RBP5: variants seen among roughly 807,000 people sequenced by gnomAD.
RBP5 encodes retinol-binding protein 5.
A neutral mutation model predicts 17.8 loss-of-function variants in RBP5; 12 were observed. The observed-to-expected ratio is 0.67, with a 90% CI of 0.43 to 1.09. The LOEUF is 1.09. Ranked by LOEUF, RBP5 falls within the 50% of genes least tolerant of loss-of-function variation. The pLI, the probability that RBP5 is intolerant of heterozygous loss-of-function variation, is 0.00. For missense variants in RBP5, 172 were observed against 169.4 expected, an observed-to-expected ratio of 1.02 and a Z score of -0.09; for synonymous variants, 64 against 68.1, an observed-to-expected ratio of 0.94 and a Z score of 0.30.
chr12:7,129,526 G>C (rs1164336108), upstream of RBP5: 1 of 794,108 alleles, frequency 1.3e-6, no homozygotes, highest in African/African-American at 1.9e-5. This position sits in a 1 kb window ranked among gnomAD's most constrained non-coding sequence, Gnocchi z 5.5. Context: ...CTATTCTGGA[G>C]AATTTTATTC....
At position 7,124,617 on chromosome 12, in the gene RBP5, C is replaced by G; in HGVS notation, c.354+12G>C. ...GCCCTTCTCCCAGACACCCAGCCCC[C>G]ACCCCATTTACCAGATACAGCATCT... On this transcript the variant is annotated intron_variant, in intron 3 of 3. Transcript: ENST00000266560. This position sits in a 1 kb window ranked among gnomAD's most constrained non-coding sequence, Gnocchi z 5.3. 2.7e-6 allele frequency: 4 copies of G among 1,482,632 alleles called. No individual in the cohort carries two copies. Among genetic ancestry groups the G allele is most frequent in the African/African-American group, 1.4e-5 (1 of 72,670 alleles). The allele number at this position is 1,482,632 out of a possible 1,614,324, so 91.8% of individuals were successfully genotyped here.
upstream of RBP5, chr12:7,129,933 A>C: frequency 6.8e-6 from 3 of 440,180 alleles, no homozygotes; most frequent in South Asian, 9.4e-5. This position sits in a 1 kb window ranked among gnomAD's most constrained non-coding sequence, Gnocchi z 5.5. Flanking sequence ...TGGGCTACAA[A>C]TGCCAGGATT....
intron 2 of RBP5, chr12:7,127,705 A>G: frequency 1.4e-6 from 1 of 702,352 alleles, no homozygotes; most frequent in East Asian, 2.7e-5. Flanking sequence ...ATTCATGCCA[A>G]GGGCAGCCTA....
At chr12:7,116,620 G>T (rs766610880) in exon 4 of RBP5, 111 of 152,358 alleles carry the variant, frequency 7.3e-4, no homozygotes, top group African/African-American at 2.4e-3. Flanking sequence ...AGGTGGGTGG[G>T]CCTCAAAGAG....
chr12:7,128,117 G>C lies in RBP5; in HGVS notation c.252+123C>G. 1.2e-6 allele frequency: 1 copy of C among 805,470 alleles called. No homozygotes were observed. The highest frequency in any genetic ancestry group is 1.7e-5 in the African/African-American group (1 of 57,876). The allele number at this position is 805,470 out of a possible 1,614,324, so 49.9% of individuals were successfully genotyped here. A position where few individuals can be genotyped will look rare whatever the true frequency, so the allele number is the denominator to read the frequency against. ...TATCCTGGGGACTGCATTCCCTGCT[G>C]TGGTGACCATTCCCCTCCTCCCCGC... On this transcript the variant is annotated intron_variant, in intron 2 of 3. Coordinates refer to ENST00000266560, the MANE Select transcript of RBP5 (RefSeq NM_031491.4). This position sits in a 1 kb window ranked among gnomAD's most constrained non-coding sequence, Gnocchi z 5.3.
intron 2 of RBP5, among the ~76,000 whole-genome samples, chr12:7,126,383 C>G (rs778763306): frequency 1.1e-3 from 161 of 152,264 alleles, no homozygotes; most frequent in Non-Finnish European, 1.8e-3. Context: ...CTTACAGCAT[C>G]TAGATTTGGA....
At chr12:7,128,931 C>T, upstream of RBP5, 1 of 670,646 alleles carries the variant, frequency 1.5e-6, no homozygotes, top group Non-Finnish European at 2.8e-6. The surrounding 1 kb of genome is among the most constrained non-coding windows in gnomAD (Gnocchi z 5.3). Context: ...GGCTGGGGCC[C>T]TGTTGCAATA....
Position 7,123,852 on chromosome 12 carries a change from G to A in RBP5, c.*269C>T, listed in dbSNP as rs528410018. On this transcript the variant is annotated 3_prime_UTR_variant, in exon 4 of 4. Coordinates refer to ENST00000266560, the MANE Select transcript of RBP5 (RefSeq NM_031491.4). ...GAGCGGAGATTGGTTGTTCTCAGGGGCTCCTTCCCTTTGCCTGCTTCTTTC... is the reference window on the plus strand; with the variant it reads ...GAGCGGAGATTGGTTGTTCTCAGGGACTCCTTCCCTTTGCCTGCTTCTTTC... 3.8e-4 allele frequency: 176 copies of A among 457,436 alleles called. No individual in the cohort carries two copies. The highest frequency in any genetic ancestry group is 2.9e-3 in the African/African-American group (152 of 51,552). The allele number at this position is 457,436 out of a possible 1,614,324, so 28.3% of individuals were successfully genotyped here.
upstream of RBP5, chr12:7,129,929 A>G: frequency 8.4e-6 from 4 of 478,860 alleles, no homozygotes; most frequent in Non-Finnish European, 1.1e-5. The surrounding 1 kb of genome is among the most constrained non-coding windows in gnomAD (Gnocchi z 5.5). Flanking sequence ...GCCCTGGGCT[A>G]CAAATGCCAG....
Position 7,124,538 on chromosome 12 carries a change from G to C in RBP5, c.354+91C>G, listed in dbSNP as rs959695306. 1 of 750,890 alleles carries C rather than the reference G, an allele frequency of 1.3e-6. No individual in the cohort carries two copies. Among genetic ancestry groups the C allele is most frequent in the Non-Finnish European group, 2.4e-6 (1 of 423,156 alleles). 46.5% of individuals were successfully genotyped at this position (750,890 alleles called of 1,614,324 possible). ...TGGATAGGGATTGGGGCTGGGCTGG[G>C]GGAAGAGTGGTGGACCTATCTGGTT... On this transcript the variant is annotated intron_variant, in intron 3 of 3. Coordinates refer to ENST00000266560, the MANE Select transcript of RBP5 (RefSeq NM_031491.4). The surrounding 1 kb of genome is among the most constrained non-coding windows in gnomAD (Gnocchi z 5.3).
downstream of RBP5, among the ~76,000 whole-genome samples, chr12:7,119,227 G>T (rs1420487104): frequency 1.4e-5 from 2 of 144,306 alleles, no homozygotes; most frequent in East Asian, 2.2e-4. Context: ...GGGCTGGGGG[G>T]TAGGGGTGGA....
upstream of RBP5, chr12:7,129,794 C>T: frequency 6.1e-6 from 6 of 985,730 alleles, no homozygotes; most frequent in South Asian, 4.7e-5. The surrounding 1 kb of genome is among the most constrained non-coding windows in gnomAD (Gnocchi z 5.5). Flanking sequence ...GGAGGCAGGA[C>T]AGGTAGGCAG....
chr12:7,121,055 A>C (rs73048051), downstream of RBP5: 28,338 of 151,340 alleles, frequency 0.19, 2,999 homozygotes, highest in East Asian at 0.43. Flanking sequence ...AAAAGAAAAA[A>C]GAAAAAGTGG....
downstream of RBP5, among the ~76,000 whole-genome samples, chr12:7,123,230 C>T (rs1268138030): frequency 2.6e-5 from 4 of 152,190 alleles, no homozygotes; most frequent in Admixed American, 6.5e-5. Context: ...ACTCTGGGAC[C>T]CTTGCTGTCC....
At chr12:7,119,766 T>C (rs992775408), downstream of RBP5, among the ~76,000 whole-genome samples, 4 of 152,240 alleles carry the variant, frequency 2.6e-5, no homozygotes, top group African/African-American at 9.6e-5. Flanking sequence ...TGAGTGTGCA[T>C]GCAATCTTCA....
At chr12:7,115,914 G>A (rs915368609) in exon 4 of RBP5, 2 of 152,158 alleles carry the variant, frequency 1.3e-5, no homozygotes, top group African/African-American at 4.8e-5. Flanking sequence ...TAAACAACCA[G>A]ATCTCATGAG....
chr12:7,128,564 A>C lies in RBP5; in HGVS notation c.73+139T>G, dbSNP rs1378767705. On this transcript the variant is annotated intron_variant, in intron 1 of 3. Coordinates refer to ENST00000266560, the MANE Select transcript of RBP5 (RefSeq NM_031491.4). The surrounding 1 kb of genome is among the most constrained non-coding windows in gnomAD (Gnocchi z 5.3). The stretch of plus-strand genomic sequence containing the variant: ...CCTACCAATGCCTGGTTAGAAATGG[A>C]TCCCAGGTCTGGTGCCAGCCGCCTG... The C allele has an allele frequency of 8.4e-7, 1 of 1,183,788 alleles. No individual in the cohort carries two copies. Among genetic ancestry groups the C allele is most frequent in the African/African-American group, 1.5e-5 (1 of 65,664 alleles). The allele number at this position is 1,183,788 out of a possible 1,614,324, so 73.3% of individuals were successfully genotyped here.
upstream of RBP5, chr12:7,129,110 G>C (rs1939231003): frequency 3.3e-6 from 1 of 304,800 alleles, no homozygotes; most frequent in Non-Finnish European, 6.5e-6. This position sits in a 1 kb window ranked among gnomAD's most constrained non-coding sequence, Gnocchi z 5.5. Context: ...GCAGGATCTG[G>C]GGCTGTCAGT....
rs777397810 is a variant in RBP5 at position 7,124,579 on chromosome 12, C to G, written c.354+50G>C. 9.5e-7 allele frequency: 1 copy of G among 1,052,504 alleles called. No homozygotes were observed. The highest frequency in any genetic ancestry group is 1.3e-5 in the South Asian group (1 of 75,600). The allele number at this position is 1,052,504 out of a possible 1,614,324, so 65.2% of individuals were successfully genotyped here. ...CTATCTGGTTTGGACAAGGGGATGC[C>G]TTATAGCTGGAGGCCCTTCTCCCAG... On this transcript the variant is annotated intron_variant, in intron 3 of 3. Coordinates refer to ENST00000266560, the MANE Select transcript of RBP5 (RefSeq NM_031491.4). The surrounding 1 kb of genome is among the most constrained non-coding windows in gnomAD (Gnocchi z 5.3).
Sources: gnomAD v4.1 joint callset for allele counts (sites outside exome capture counted in the v4.1 genomes callset) on GRCh38, gnomAD v4.1.1 for gene constraint, Gnocchi (gnomAD v3.1) non-coding constraint, MANE v1.5 for transcripts, NCBI Gene and HGNC (gene_info 2026-07-23, HGNC 2026-07-21) for gene names.